SYNPO: variants seen among roughly 807,000 people sequenced by gnomAD.
SYNPO encodes the protein synaptopodin.
SYNPO carries 19 observed loss-of-function variants against 49.5 expected under a neutral mutation model. The ratio of observed to expected loss-of-function variants is 0.38; its 90% confidence interval spans 0.27 to 0.56. The LOEUF (loss-of-function observed/expected upper bound fraction) is 0.56. Among genes scored for constraint, SYNPO ranks in the 20% least tolerant of loss-of-function variants. The probability of loss-of-function intolerance (pLI) is 0.68; values close to 1 mark genes in which losing one functional copy is unlikely to be tolerated. For missense variants in SYNPO, 1,131 were observed against 1,248.3 expected (o/e 0.91, Z 1.42); for synonymous variants, 536 against 548.0 (o/e 0.98, Z 0.31).
intron 2 of SYNPO, among the ~76,000 whole-genome samples, chr5:150,628,173 A>G (rs889400065): frequency 2.0e-5 from 3 of 152,102 alleles, no homozygotes; most frequent in African/African-American, 7.2e-5. Context: ...TGTAATTCCA[A>G]AGGCTTACAC....
the SYNPO span, among the ~76,000 whole-genome samples, chr5:150,595,569 A>G: frequency 1.4e-4 from 21 of 152,204 alleles, no homozygotes; most frequent in Admixed American, 5.9e-4. Flanking sequence ...GGGCCTGGGG[A>G]CAGGCAGACA....
chr5:150,651,297 G>A, intron 2 of SYNPO: 1 of 1,000,948 alleles, frequency 1.0e-6, no homozygotes. Context: ...GAGGGTTCCG[G>A]TCCCATGTCA....
At chr5:150,597,582 C>T (rs528851777), upstream of SYNPO, among the ~76,000 whole-genome samples, 80 of 152,322 alleles carry the variant, frequency 5.3e-4, no homozygotes, top group African/African-American at 1.9e-3. Context: ...GATCCACCCA[C>T]CTCGGCCTCC....
upstream of SYNPO, among the ~76,000 whole-genome samples, chr5:150,596,496 T>C (rs1034308966): frequency 6.6e-6 from 1 of 152,046 alleles, no homozygotes; most frequent in Non-Finnish European, 1.5e-5. Flanking sequence ...ACGGCCCCCA[T>C]GTATCAGTGC....
At chr5:150,587,724 C>T in the SYNPO span, among the ~76,000 whole-genome samples, 2 of 152,162 alleles carry the variant, frequency 1.3e-5, no homozygotes, top group South Asian at 2.1e-4. Flanking sequence ...GAAGTGAAAT[C>T]GATGTGTCCA....
the SYNPO span, among the ~76,000 whole-genome samples, chr5:150,592,698 G>A: frequency 6.6e-6 from 1 of 152,344 alleles, no homozygotes; most frequent in East Asian, 1.9e-4. Context: ...GAAGACAGAG[G>A]CCACTCCTCA....
At chr5:150,587,495 G>A in the SYNPO span, among the ~76,000 whole-genome samples, 1 of 152,046 alleles carries the variant, frequency 6.6e-6, no homozygotes, top group African/African-American at 2.4e-5. Flanking sequence ...ATAGGCGGAT[G>A]GATACATGGA....
rs567451064 is a variant in SYNPO at position 150,649,935 on chromosome 5, G to A, written c.1660G>A (p.Val554Ile). The A allele has an allele frequency of 1.4e-5, 22 of 1,612,394 alleles. No homozygotes were observed. Among genetic ancestry groups the A allele is most frequent in the Non-Finnish European group, 1.8e-5 (21 of 1,179,984 alleles). The change falls in exon 2 of 3, where the codon GTC (valine) becomes ATC (isoleucine). Residue 554 changes from valine (V) to isoleucine (I), a missense_variant. Coordinates refer to ENST00000307662, the MANE Select transcript of SYNPO (RefSeq NM_007286.6). ...LYHGYLPENG[V>I]LRPEPTKQPP... ...CCATGGCTACCTGCCTGAGAACGGG[G>A]TCCTGCGCCCAGAGCCCACCAAGCA...
intron 1 of SYNPO, among the ~76,000 whole-genome samples, chr5:150,641,524 G>A (rs929131470): frequency 1.3e-5 from 2 of 151,992 alleles, no homozygotes; most frequent in African/African-American, 2.4e-5. Context: ...CTGACCTTCT[G>A]CTCTGGCCTC....
upstream of SYNPO, among the ~76,000 whole-genome samples, chr5:150,636,032 T>A (rs1757704975): frequency 6.6e-6 from 1 of 152,212 alleles, no homozygotes. Flanking sequence ...CTTTATTTTT[T>A]TATAGCATTT....
chr5:150,654,516 G>T (rs1758493705), intron 2 of SYNPO, among the ~76,000 whole-genome samples: 1 of 152,196 alleles, frequency 6.6e-6, no homozygotes, highest in African/African-American at 2.4e-5. Flanking sequence ...TAAAGGATGA[G>T]AATGAAGTTT....
intron 1 of SYNPO, among the ~76,000 whole-genome samples, chr5:150,606,833 T>C (rs1393521443): frequency 6.6e-6 from 1 of 152,150 alleles, no homozygotes; most frequent in East Asian, 1.9e-4. Context: ...CCTCTTTCAG[T>C]GTCTTCCTTT....
At chr5:150,609,845 C>A (rs192642877) in intron 1 of SYNPO, among the ~76,000 whole-genome samples, 1 of 152,030 alleles carries the variant, frequency 6.6e-6, no homozygotes, top group Non-Finnish European at 1.5e-5. Flanking sequence ...GCCCTCTCCC[C>A]ATCTGCTGAC....
chr5:150,601,707 C>T (rs1756547358), intron 1 of SYNPO, among the ~76,000 whole-genome samples: 1 of 152,170 alleles, frequency 6.6e-6, no homozygotes, highest in Non-Finnish European at 1.5e-5. Flanking sequence ...GCTTGGGAGC[C>T]TGCTGGCTGC....
At chr5:150,604,289 C>G (rs775258538) in intron 1 of SYNPO, among the ~76,000 whole-genome samples, 6 of 152,180 alleles carry the variant, frequency 3.9e-5, no homozygotes, top group Non-Finnish European at 8.8e-5. Context: ...AGAGCAACTG[C>G]GTCCCAAAGA....
intron 2 of SYNPO, chr5:150,652,019 G>T: frequency 1.0e-6 from 1 of 1,000,562 alleles, no homozygotes. Flanking sequence ...GGGTGGTGGA[G>T]GCAGTGCCCA....
Position 150,616,892 on chromosome 5 carries a change from C to T in SYNPO, c.-265-1211C>T, listed in dbSNP as rs551026486. 3.3e-5 allele frequency among the ~76,000 whole-genome samples: 5 copies of T among 152,246 alleles called. No individual in the cohort carries two copies. The South Asian group carries it at 1.0e-3, about 32-fold the overall frequency. On this transcript the variant is annotated intron_variant, in intron 1 of 2. Transcript: ENST00000394243. ...CCCTCTTGCTTGGATTATCATCATTCTTAACATTTATATAAATAATCATAC... is the reference window on the plus strand; with the variant it reads ...CCCTCTTGCTTGGATTATCATCATTTTTAACATTTATATAAATAATCATAC...
chr5:150,620,899 C>CTTTCTT (rs1014762340), intron 2 of SYNPO, among the ~76,000 whole-genome samples: 32 of 108,922 alleles, frequency 2.9e-4, no homozygotes, highest in Admixed American at 2.0e-3. Context: ...TTCTTTTTTT[C>CTTTCTT]TCTTTCTTTC....
chr5:150,595,568 G>T, the SYNPO span, among the ~76,000 whole-genome samples: 1 of 152,196 alleles, frequency 6.6e-6, no homozygotes, highest in African/African-American at 2.4e-5. Context: ...GGGGCCTGGG[G>T]ACAGGCAGAC....
Sources: allele counts gnomAD v4.1 joint callset (sites outside exome capture counted in the v4.1 genomes callset), GRCh38; gene constraint gnomAD v4.1.1; transcripts MANE v1.5; gene names NCBI Gene and HGNC (gene_info 2026-07-23, HGNC 2026-07-21).